Variants in TBC1D31 observed in about 807,000 individuals in gnomAD.
TBC1D31 encodes WD repeat domain 67.
TBC1D31 carries 99 observed loss-of-function variants against 132.9 expected under a neutral mutation model. That is an observed-to-expected ratio of 0.74 (90% CI 0.63 to 0.88). TBC1D31 has a LOEUF of 0.88. Among genes scored for constraint, TBC1D31 ranks in the 40% least tolerant of loss-of-function variants. The pLI, the probability that TBC1D31 is intolerant of heterozygous loss-of-function variation, is 0.00. For synonymous variants in TBC1D31, 385 were observed against 419.4 expected, an observed-to-expected ratio of 0.92 and a Z score of 1.00; for missense variants, 1,134 against 1,256.6, an observed-to-expected ratio of 0.90 and a Z score of 1.48.
intron 4 of TBC1D31, among the ~76,000 whole-genome samples, chr8:123,088,881 T>C (rs1816055923): frequency 6.6e-6 from 1 of 152,204 alleles, no homozygotes; most frequent in African/African-American, 2.4e-5. Context: ...GAGTTGTTTT[T>C]TCTGTTTCAT....
At position 123,129,049 on chromosome 8, in the gene TBC1D31, A is replaced by C. The variant is rs1179574751; in HGVS notation, c.2118-17A>C. 5.9e-6 allele frequency: 9 copies of C among 1,516,026 alleles called. No homozygotes were observed. The highest frequency in any genetic ancestry group is 7.1e-6 in the Non-Finnish European group (8 of 1,122,986). The allele number at this position is 1,516,026 out of a possible 1,614,324, so 93.9% of individuals were successfully genotyped here. On this transcript the variant is annotated splice_polypyrimidine_tract_variant and intron_variant, in intron 14 of 21. Coordinates refer to ENST00000287380, the MANE Select transcript of TBC1D31 (RefSeq NM_145647.4). ...GCTTTCTTCTTTGTGTTTTCATAATAATATTACCTACTTAAGGCAGACAGT... is the reference window on the plus strand; with the variant it reads ...GCTTTCTTCTTTGTGTTTTCATAATCATATTACCTACTTAAGGCAGACAGT...
intron 10 of TBC1D31, among the ~76,000 whole-genome samples, chr8:123,115,270 T>C (rs1043942668): frequency 6.6e-6 from 1 of 152,206 alleles, no homozygotes; most frequent in Non-Finnish European, 1.5e-5. Context: ...GCATTGAATA[T>C]GTAACTTCTG....
chr8:123,151,993 C>T lies in TBC1D31; in HGVS notation c.*54C>T. The T allele has an allele frequency of 3.7e-6, 5 of 1,355,296 alleles. No homozygotes were observed. Among genetic ancestry groups the T allele is most frequent in the Non-Finnish European group, 4.8e-6 (5 of 1,041,140 alleles). 84.0% of individuals were successfully genotyped at this position (1,355,296 alleles called of 1,614,324 possible). ...GAGAGACCTATTTTGCAATCAGTGA[C>T]ATTGATTTTTAGATTATTTATTTAA... On this transcript the variant is annotated 3_prime_UTR_variant, in exon 22 of 22. Transcript: ENST00000287380.
In TBC1D31 at chr8:123,106,102, A is replaced by C. The variant is rs540364697; in HGVS notation, c.1209+638A>C. Among the ~76,000 whole-genome samples the C allele has an allele frequency of 1.2e-4, 19 of 152,348 alleles. No homozygotes were observed. The South Asian group carries it at 3.9e-3, about 32-fold the overall frequency. On this transcript the variant is annotated intron_variant, in intron 8 of 21. Transcript: ENST00000287380. ...TCACTAATAATACCTGATATTTTTC[A>C]CATTGATTTTAATACAGTGTCCTTC...
chr8:123,148,873 T>C, intron 20 of TBC1D31, among the ~76,000 whole-genome samples: 1 of 151,880 alleles, frequency 6.6e-6, no homozygotes. Context: ...CTGGCCAACA[T>C]GGTGAAACCT....
In TBC1D31 at chr8:123,084,183, G is replaced by T; in HGVS notation, c.362G>T (p.Trp121Leu). 3 of 1,614,114 alleles carry T rather than the reference G, an allele frequency of 1.9e-6. No individual in the cohort carries two copies. The highest frequency in any genetic ancestry group is 2.5e-6 in the Non-Finnish European group (3 of 1,180,004). Residue 121 changes from tryptophan to leucine, a missense_variant, in exon 4 of 22, where the codon TGG becomes TTG. Coordinates refer to ENST00000287380, the MANE Select transcript of TBC1D31 (RefSeq NM_145647.4). Reference protein sequence around the residue: ...FDTVTKELVSWMRGHESSVFS... With the variant: ...FDTVTKELVSLMRGHESSVFS... ...ACAGTCACCAAGGAGCTAGTTAGCT[G>T]GATGAGAGGACATGAATCATCAGTA...
At chr8:123,110,049 A>G (rs1818300827) in intron 10 of TBC1D31, among the ~76,000 whole-genome samples, 1 of 152,172 alleles carries the variant, frequency 6.6e-6, no homozygotes, top group African/African-American at 2.4e-5. Context: ...AGCTGAGATC[A>G]CGCCATTTTA....
At chr8:123,113,384 A>C (rs963034030) in intron 10 of TBC1D31, among the ~76,000 whole-genome samples, 5 of 152,178 alleles carry the variant, frequency 3.3e-5, no homozygotes, top group African/African-American at 1.2e-4. Flanking sequence ...GTTCACATTC[A>C]CATTAAGAGC....
chr8:123,159,463 G>A, the TBC1D31 span, among the ~76,000 whole-genome samples: 11 of 152,228 alleles, frequency 7.2e-5, no homozygotes, highest in African/African-American at 2.4e-4. Context: ...CTGTAGAAAG[G>A]GGTAGATGTT....
At chr8:123,097,470 C>G (rs749369720) in intron 6 of TBC1D31, 29 bp downstream of exon 6, 1 of 1,603,104 alleles carries the variant, frequency 6.2e-7, no homozygotes, top group Non-Finnish European at 8.5e-7. Flanking sequence ...GGGCACTGTA[C>G]TTTTTGAGAA....
rs905151526 is a variant in TBC1D31 at position 123,109,741 on chromosome 8, G to T, written c.1436+121G>T. 5.3e-6 allele frequency: 5 copies of T among 943,298 alleles called. No individual in the cohort carries two copies. In the African/African-American group the frequency reaches 8.3e-5, roughly 16 times the overall value. The allele number at this position is 943,298 out of a possible 1,614,324, so 58.4% of individuals were successfully genotyped here. A position where few individuals can be genotyped will look rare whatever the true frequency, so the allele number is the denominator to read the frequency against. On this transcript the variant is annotated intron_variant, in intron 10 of 21. Coordinates refer to ENST00000287380, the MANE Select transcript of TBC1D31 (RefSeq NM_145647.4). ...TTGATTATCCTTATGTGATATGTTG[G>T]TTTAATTTTAAAAATGTACATGCAC...
chr8:123,076,020 A>G (rs544129264), intron 1 of TBC1D31, among the ~76,000 whole-genome samples: 217 of 152,336 alleles, frequency 1.4e-3, no homozygotes, highest in African/African-American at 5.1e-3. Flanking sequence ...TAGAAAGGGG[A>G]AAAAAATTAA....
At chr8:123,144,926 ATTT>A (rs3080678) in intron 20 of TBC1D31, 71 bp downstream of exon 20, 478 of 1,139,530 alleles carry the variant, frequency 4.2e-4, no homozygotes, top group Admixed American at 4.9e-4. Context: ...TATTATTATG[ATTT>A]TTTTTTTTTT....
chr8:123,077,088 G>T, intron 1 of TBC1D31, 23 bp from the exon 2 acceptor site: 1 of 1,563,876 alleles, frequency 6.4e-7, no homozygotes. Flanking sequence ...TAGATTCAAT[G>T]TTTGGGTTTT....
intron 17 of TBC1D31, among the ~76,000 whole-genome samples, chr8:123,135,074 G>GT (rs921515979): frequency 6.6e-6 from 1 of 151,998 alleles, no homozygotes; most frequent in Non-Finnish European, 1.5e-5. Context: ...TAATTTTTGT[G>GT]TTTTTTGTAG....
At chr8:123,148,995 C>G (rs188045790) in intron 20 of TBC1D31, among the ~76,000 whole-genome samples, 1 of 151,840 alleles carries the variant, frequency 6.6e-6, no homozygotes, top group Non-Finnish European at 1.5e-5. Flanking sequence ...TGCAGTAAGC[C>G]GAGATCACGC....
rs767026300 is a variant in TBC1D31, at chr8:123,128,405, C to T, written c.2009C>T (p.Thr670Ile). Reference sequence around the variant, plus strand: ...ATGCTTAATGTTTTTGTTGCACTGACAAAAGGGCAGTATCCAGTATTTAAT... The same window carrying T: ...ATGCTTAATGTTTTTGTTGCACTGATAAAAGGGCAGTATCCAGTATTTAAT... ...DSMLNVFVAL[T>I]KGQYPVFNQY... is the part of the protein sequence containing the mutation. Residue 670 changes from threonine (T) to isoleucine (I), a missense_variant, in exon 14 of 22, where the codon ACA becomes ATA. Thr to Ile is a moderately conservative substitution (Grantham distance 89). Transcript: ENST00000287380. The T allele has an allele frequency of 6.2e-7, 1 of 1,613,374 alleles. No homozygotes were observed. Among genetic ancestry groups the T allele is most frequent in the South Asian group, 1.1e-5 (1 of 91,062 alleles).
intron 16 of TBC1D31, among the ~76,000 whole-genome samples, chr8:123,131,870 C>CT (rs2130828173): frequency 6.6e-6 from 1 of 152,148 alleles, no homozygotes; most frequent in East Asian, 1.9e-4. Flanking sequence ...TTTAATTTGC[C>CT]TTTTTTTATT....
rs187804145 is a variant in TBC1D31 at position 123,119,789 on chromosome 8, G to A, written c.1437-266G>A. Among the ~76,000 whole-genome samples, 13 of 152,264 alleles carry A rather than the reference G, an allele frequency of 8.5e-5. No individual in the cohort carries two copies. The East Asian group carries it at 2.5e-3, about 29-fold the overall frequency. On this transcript the variant is annotated intron_variant, in intron 10 of 21. Transcript: ENST00000287380. ...ATATCCATCTGTAAAATGTAAGGAA[G>A]TTCTGCATATACTGATATAAACTAT...
Sources: gnomAD v4.1 joint callset for allele counts (sites outside exome capture counted in the v4.1 genomes callset) on GRCh38, gnomAD v4.1.1 for gene constraint, MANE v1.5 for transcripts, NCBI Gene and HGNC (gene_info 2026-07-23, HGNC 2026-07-21) for gene names.